LYZL1: variants seen among roughly 807,000 people sequenced by gnomAD.
LYZL1 encodes lysozyme like 1.
A neutral mutation model predicts 17.9 loss-of-function variants in LYZL1; 16 were observed. The observed-to-expected ratio is 0.90, with a 90% CI of 0.61 to 1.36. LYZL1 has a LOEUF of 1.36. Ranked by LOEUF, LYZL1 falls within the 40% of genes most tolerant of loss-of-function variation. The pLI is 0.00. For missense variants in LYZL1, 149 were observed against 188.4 expected (o/e 0.79, Z 1.22); for synonymous variants, 58 against 71.8 (o/e 0.81, Z 0.97).
At chr10:29,292,413 G>T in intron 2 of LYZL1, 106 bp from the exon 3 acceptor site, 1 of 1,511,846 alleles carries the variant, frequency 6.6e-7, no homozygotes, top group East Asian at 2.3e-5. Flanking sequence ...AAGGTGTATT[G>T]GGAGGAAGCA....
chr10:29,310,893 C>T (rs148100591), intron 4 of LYZL1, 97 bp from the exon 5 acceptor site: 26,793 of 1,588,184 alleles, frequency 0.017, 507 homozygotes, highest in South Asian at 0.072. Flanking sequence ...CCCAGGGTTC[C>T]GCTGGCGATT....
chr10:29,295,956 G>A (rs60286735), intron 3 of LYZL1, among the ~76,000 whole-genome samples: 1 of 152,134 alleles, frequency 6.6e-6, no homozygotes, highest in Non-Finnish European at 1.5e-5. Flanking sequence ...GCAAGGAAAT[G>A]GATCTTCCTG....
downstream of LYZL1, among the ~76,000 whole-genome samples, chr10:29,315,815 C>T (rs561955573): frequency 7.9e-5 from 12 of 151,332 alleles, no homozygotes; most frequent in East Asian, 1.9e-4. Context: ...TACCACCGCG[C>T]TCCAGTCTGG....
downstream of LYZL1, among the ~76,000 whole-genome samples, chr10:29,315,356 A>G (rs1835717401): frequency 6.6e-6 from 1 of 151,918 alleles, no homozygotes; most frequent in South Asian, 2.1e-4. Flanking sequence ...CTAAAAATAC[A>G]AAAAAATTAG....
At position 29,311,032 on chromosome 10, in the gene LYZL1, G is replaced by A. The variant is rs763519138; in HGVS notation, c.420G>A (p.Glu140=). 7.4e-6 allele frequency: 12 copies of A among 1,614,050 alleles called. No individual in the cohort carries two copies. The East Asian group carries it at 1.1e-4, about 15-fold the overall frequency. The part of the protein sequence containing the change: ...KKHCEGRDLS[E]WKKGCEVS ...ATTGTGAGGGCAGAGACCTGTCCGA[G>A]TGGAAAAAAGGCTGTGAGGTTTCCT... The change falls in exon 5 of 5, where the codon GAG becomes GAA. Residue 140 remains glutamate (E), a synonymous_variant. Coordinates refer to ENST00000649382, the MANE Select transcript of LYZL1 (RefSeq NM_032517.6).
At chr10:29,311,797 G>C (rs1349365938), downstream of LYZL1, among the ~76,000 whole-genome samples, 1 of 151,926 alleles carries the variant, frequency 6.6e-6, no homozygotes, top group Non-Finnish European at 1.5e-5. Context: ...GACCAACATG[G>C]AGAAACCCCG....
intron 1 of LYZL1, among the ~76,000 whole-genome samples, 182 bp from the exon 2 acceptor site, chr10:29,291,661 A>G (rs1404795375): frequency 6.6e-6 from 1 of 152,096 alleles, no homozygotes; most frequent in Non-Finnish European, 1.5e-5. Flanking sequence ...GAAAAGCATT[A>G]AGGAAACAGC....
chr10:29,315,161 T>G (rs971770084), downstream of LYZL1, among the ~76,000 whole-genome samples: 1 of 152,226 alleles, frequency 6.6e-6, no homozygotes, highest in South Asian at 2.1e-4. Flanking sequence ...AAACTGGAAC[T>G]GTCAATAAAC....
chr10:29,301,152 T>C (rs1359100231), intron 3 of LYZL1, among the ~76,000 whole-genome samples: 1 of 152,190 alleles, frequency 6.6e-6, no homozygotes, highest in African/African-American at 2.4e-5. Context: ...GTTCTCTTGA[T>C]AGTGAATGAG....
intron 3 of LYZL1, among the ~76,000 whole-genome samples, chr10:29,303,882 C>T (rs1026838626): frequency 6.6e-6 from 1 of 152,296 alleles, no homozygotes; most frequent in African/African-American, 2.4e-5. Flanking sequence ...AGGTACGTGA[C>T]GTTATATGCA....
downstream of LYZL1, among the ~76,000 whole-genome samples, chr10:29,312,250 C>A (rs1287214219): frequency 1.3e-5 from 2 of 152,148 alleles, no homozygotes; most frequent in Non-Finnish European, 2.9e-5. Context: ...CAAGAGAGTT[C>A]CCCATGTTAT....
chr10:29,304,113 T>A (rs1453216915), intron 3 of LYZL1, among the ~76,000 whole-genome samples: 1 of 152,208 alleles, frequency 6.6e-6, no homozygotes, highest in African/African-American at 2.4e-5. Flanking sequence ...CCAAATTGTA[T>A]TCCTAAAATG....
At chr10:29,302,719 A>G (rs551749453) in intron 3 of LYZL1, among the ~76,000 whole-genome samples, 1 of 152,294 alleles carries the variant, frequency 6.6e-6, no homozygotes, top group East Asian at 1.9e-4. Flanking sequence ...TTCAGTGTGA[A>G]TGCTGAGGCT....
intron 3 of LYZL1, among the ~76,000 whole-genome samples, chr10:29,316,410 C>A (rs1474040090): frequency 6.6e-6 from 1 of 152,184 alleles, no homozygotes; most frequent in East Asian, 1.9e-4. Flanking sequence ...GAGAGTCTTG[C>A]TGGAGAGCAG....
intron 3 of LYZL1, among the ~76,000 whole-genome samples, chr10:29,305,428 G>T (rs549161814): frequency 6.6e-6 from 1 of 152,296 alleles, no homozygotes; most frequent in Admixed American, 6.5e-5. Context: ...CAGAATACAG[G>T]CTCATTAACT....
chr10:29,318,079 A>C (rs922277318), intron 4 of LYZL1: 2 of 726,016 alleles, frequency 2.8e-6, no homozygotes, highest in Non-Finnish European at 3.4e-6. Flanking sequence ...AAATAAAGGC[A>C]TGTTCAAAAA....
At chr10:29,297,217 A>T (rs2132820629) in intron 3 of LYZL1, among the ~76,000 whole-genome samples, 1 of 152,294 alleles carries the variant, frequency 6.6e-6, no homozygotes, top group African/African-American at 2.4e-5. Context: ...AAATCTCTCT[A>T]AAAGCAGAGT....
chr10:29,292,708 C>T, intron 3 of LYZL1, 31 bp downstream of exon 3: 1 of 1,598,008 alleles, frequency 6.3e-7, no homozygotes, highest in South Asian at 1.1e-5. Context: ...TGATGCCATC[C>T]TCAGGACTAG....
intron 3 of LYZL1, among the ~76,000 whole-genome samples, chr10:29,294,425 G>C (rs1325840799): frequency 6.6e-6 from 1 of 152,210 alleles, no homozygotes; most frequent in Non-Finnish European, 1.5e-5. Context: ...ACTGAATGAT[G>C]GTCATGGTTG....
Sources: allele counts gnomAD v4.1 joint callset (sites outside exome capture counted in the v4.1 genomes callset), GRCh38; gene constraint gnomAD v4.1.1; transcripts MANE v1.5; gene names NCBI Gene and HGNC (gene_info 2026-07-23, HGNC 2026-07-21).